The following MYO16 variants were observed in gnomAD, a reference collection of about 807,000 sequenced individuals.
The protein encoded by MYO16 is myosin XVI.
A neutral mutation model predicts 205.3 loss-of-function variants in MYO16; 94 were observed. The observed-to-expected ratio is 0.46, with a 90% CI of 0.39 to 0.54. MYO16 has a LOEUF of 0.54. Ranked by LOEUF, MYO16 falls within the 20% of genes least tolerant of loss-of-function variation. The pLI is 0.00. For synonymous variants in MYO16, 988 were observed against 954.0 expected (o/e 1.04, Z -0.66); for missense variants, 2,315 against 2,387.5 (o/e 0.97, Z 0.63).
rs548340146 is a variant in MYO16, at chr13:109,192,103, T to C, written c.5415+12470T>C. Among the ~76,000 whole-genome samples the C allele has an allele frequency of 2.6e-4, 40 of 152,334 alleles. No homozygotes were observed. In the South Asian group the frequency reaches 7.5e-3, roughly 28 times the overall value. ...ATGTATTTTATGTCCTCAGCAGACCTAGTAGACCTGATTTTTCTCTGATTT... is the reference window on the plus strand; with the variant it reads ...ATGTATTTTATGTCCTCAGCAGACCCAGTAGACCTGATTTTTCTCTGATTT... On this transcript the variant is annotated intron_variant, in intron 34 of 34. Transcript: ENST00000457511.
At chr13:108,742,515 G>A (rs1884941790) in intron 4 of MYO16, among the ~76,000 whole-genome samples, 1 of 151,748 alleles carries the variant, frequency 6.6e-6, no homozygotes, top group South Asian at 2.1e-4. Context: ...TTATTTTACA[G>A]TTTATATAAT....
chr13:108,726,773 G>A (rs1566573875), intron 3 of MYO16, among the ~76,000 whole-genome samples: 1 of 152,160 alleles, frequency 6.6e-6, no homozygotes, highest in African/African-American at 2.4e-5. Context: ...ATTTACCTGA[G>A]TTTGAACTAT....
intron 20 of MYO16, among the ~76,000 whole-genome samples, chr13:108,976,781 C>T (rs963622599): frequency 9.2e-5 from 14 of 152,178 alleles, no homozygotes; most frequent in African/African-American, 3.1e-4. Context: ...ATAAAAGCCT[C>T]TCTTTTTATA....
upstream of MYO16, among the ~76,000 whole-genome samples, chr13:108,627,741 A>G (rs1444109479): frequency 6.6e-6 from 1 of 152,186 alleles, no homozygotes; most frequent in Non-Finnish European, 1.5e-5. Flanking sequence ...CAAGTGCACA[A>G]CATGCCCCTC....
chr13:108,972,664 A>G (rs1274729239), intron 20 of MYO16, among the ~76,000 whole-genome samples: 2 of 151,462 alleles, frequency 1.3e-5, no homozygotes, highest in Non-Finnish European at 2.9e-5. Flanking sequence ...TGTGACTTGT[A>G]GTAAGCGAGG....
chr13:109,100,260 T>C (rs1358805885), intron 27 of MYO16, among the ~76,000 whole-genome samples: 1 of 152,210 alleles, frequency 6.6e-6, no homozygotes, highest in African/African-American at 2.4e-5. Flanking sequence ...CTTTACAAAA[T>C]AAAAATGTCC....
At chr13:108,968,744 C>T (rs1883896073) in intron 20 of MYO16, among the ~76,000 whole-genome samples, 1 of 152,190 alleles carries the variant, frequency 6.6e-6, no homozygotes, top group Admixed American at 6.5e-5. Flanking sequence ...CTCCTGCCTG[C>T]TGCGCCCCTG....
rs578239189 is a variant in MYO16 at position 108,930,329 on chromosome 13, TA to T, written c.1925+20185del. The stretch of plus-strand genomic sequence containing the variant: ...TTGTTCTCATTATCAATTTTTTAAT[TA>T]AAAAATCCAGCATATCTATGACACC... On this transcript the variant is annotated intron_variant, in intron 16 of 34. Transcript: ENST00000457511. 2.6e-3 allele frequency among the ~76,000 whole-genome samples: 401 copies of T among 152,224 alleles called. 3 individuals carry two copies. Among genetic ancestry groups the T allele is most frequent in the African/African-American group, 9.1e-3 (377 of 41,530 alleles).
At chr13:108,794,154 C>T (rs543503650) in intron 6 of MYO16, among the ~76,000 whole-genome samples, 19 of 152,176 alleles carry the variant, frequency 1.2e-4, no homozygotes, top group South Asian at 4.2e-4. Flanking sequence ...AAGAAGGAGA[C>T]GAGACACCAG....
chr13:108,644,758 T>C (rs1326127282), intron 1 of MYO16, among the ~76,000 whole-genome samples: 1 of 152,186 alleles, frequency 6.6e-6, no homozygotes, highest in African/African-American at 2.4e-5. Flanking sequence ...GTAGTGTCAA[T>C]GAAGGCCATA....
At chr13:109,181,169 C>T (rs1360553412) in intron 34 of MYO16, among the ~76,000 whole-genome samples, 1 of 152,244 alleles carries the variant, frequency 6.6e-6, no homozygotes, top group Non-Finnish European at 1.5e-5. Flanking sequence ...TTTCCATTCT[C>T]AGATTTCAAA....
chr13:108,870,748 T>C (rs1345304107), intron 12 of MYO16, among the ~76,000 whole-genome samples: 2 of 152,024 alleles, frequency 1.3e-5, no homozygotes, highest in Admixed American at 6.5e-5. Flanking sequence ...TTGTGACTTT[T>C]CTGAGTTTTT....
At chr13:108,602,409 G>A (rs543964065) in intron 1 of MYO16, among the ~76,000 whole-genome samples, 8 of 152,132 alleles carry the variant, frequency 5.3e-5, no homozygotes, top group East Asian at 3.9e-4. Context: ...CATTTTCTAC[G>A]TAATTGCGAT....
chr13:109,025,981 A>C (rs866696685), intron 23 of MYO16, among the ~76,000 whole-genome samples: 1 of 152,156 alleles, frequency 6.6e-6, no homozygotes, highest in South Asian at 2.1e-4. Context: ...GTTGTTTTTT[A>C]TGAAAATTTA....
At chr13:108,738,253 C>G (rs556199485) in intron 4 of MYO16, among the ~76,000 whole-genome samples, 80 of 152,264 alleles carry the variant, frequency 5.3e-4, no homozygotes, top group African/African-American at 1.8e-3. Flanking sequence ...ATCTTTCCTG[C>G]TTTCTCTTGT....
intron 12 of MYO16, among the ~76,000 whole-genome samples, chr13:108,873,878 A>G (rs948315736): frequency 2.6e-5 from 4 of 152,246 alleles, no homozygotes; most frequent in African/African-American, 9.6e-5. Context: ...CATTTTAAAC[A>G]TGTTACATGT....
chr13:108,917,188 C>G (rs906269492), intron 16 of MYO16, among the ~76,000 whole-genome samples: 2 of 152,130 alleles, frequency 1.3e-5, no homozygotes, highest in Non-Finnish European at 2.9e-5. Flanking sequence ...GCCCTAGGCC[C>G]CCTAACTTAA....
At chr13:108,649,219 T>A (rs1401454028) in intron 1 of MYO16, among the ~76,000 whole-genome samples, 1 of 143,698 alleles carries the variant, frequency 7.0e-6, no homozygotes, top group Non-Finnish European at 1.5e-5. Context: ...AAACTTAAAG[T>A]ATAATAAAAA....
intron 2 of MYO16, among the ~76,000 whole-genome samples, chr13:108,709,308 C>G (rs1195302094): frequency 2.0e-5 from 3 of 152,180 alleles, no homozygotes; most frequent in Non-Finnish European, 4.4e-5. Flanking sequence ...TAATTTCCCA[C>G]ACAATTAGTA....
Sources: allele counts gnomAD v4.1 joint callset (sites outside exome capture counted in the v4.1 genomes callset), GRCh38; gene constraint gnomAD v4.1.1; transcripts MANE v1.5; gene names NCBI Gene and HGNC (gene_info 2026-07-23, HGNC 2026-07-21).